The following NCOA1 variants were observed in gnomAD, a reference collection of about 807,000 sequenced individuals.
NCOA1 encodes nuclear receptor coactivator 1, also known as Hin-2 protein.
NCOA1 carries 35 observed loss-of-function variants against 150.9 expected under a neutral mutation model. The ratio of observed to expected loss-of-function variants is 0.23; its 90% confidence interval spans 0.18 to 0.31. The LOEUF (loss-of-function observed/expected upper bound fraction) is 0.31. NCOA1 is among the 10% of genes least tolerant of loss of function. NCOA1 has a pLI of 1.00. For missense variants in NCOA1, 1,491 were observed against 1,749.3 expected, an observed-to-expected ratio of 0.85 and a Z score of 2.63; for synonymous variants, 590 against 630.0, an observed-to-expected ratio of 0.94 and a Z score of 0.95.
rs772353958 is a variant in NCOA1, at chr2:24,711,053, G to T, written c.2541G>T (p.Ser847=). Residue 847 remains serine (S), a synonymous_variant, in exon 14 of 23, where the codon TCG becomes TCT. Coordinates refer to ENST00000348332, the MANE Select transcript of NCOA1 (RefSeq NM_003743.5). ...CGGTCACCAGTGTAACCATCAAATC[G>T]GAGATCCTGCCAGCTTCACTTCAGT... ...DGAVTSVTIK[S]EILPASLQSA... The T allele has an allele frequency of 1.2e-6, 2 of 1,614,112 alleles. No homozygotes were observed. Among genetic ancestry groups the T allele is most frequent in the South Asian group, 2.2e-5 (2 of 91,082 alleles).
chr2:24,494,556 G>A (rs778279461), intron 1 of NCOA1, among the ~76,000 whole-genome samples: 5 of 152,202 alleles, frequency 3.3e-5, no homozygotes, highest in Non-Finnish European at 5.9e-5. Context: ...GGACGCTCAT[G>A]ATTGTTTTGG....
chr2:24,756,508 C>T (rs907204429), intron 20 of NCOA1, among the ~76,000 whole-genome samples: 2 of 152,110 alleles, frequency 1.3e-5, no homozygotes, highest in Non-Finnish European at 2.9e-5. Context: ...TTACCTTAGT[C>T]TACTGGAAAC....
chr2:24,767,866 C>T (rs13389944), intron 22 of NCOA1: 4 of 495,446 alleles, frequency 8.1e-6, no homozygotes, highest in Non-Finnish European at 1.1e-5. Context: ...AACCAGTTTT[C>T]TAAATATCAT....
At chr2:24,540,839 A>C (rs905418087) in intron 1 of NCOA1, among the ~76,000 whole-genome samples, 6 of 152,178 alleles carry the variant, frequency 3.9e-5, no homozygotes, top group Non-Finnish European at 7.3e-5. Context: ...AACAAAAGAG[A>C]TGTTAAATAT....
Position 24,651,432 on chromosome 2 carries a change from A to G in NCOA1, c.-17-7229A>G, listed in dbSNP as rs146889391. On this transcript the variant is annotated intron_variant, in intron 4 of 22. Transcript: ENST00000348332. The stretch of plus-strand genomic sequence containing the variant: ...AGGTGAGCCTGGAGGACATTTTGCT[A>G]AGTGAAATAAGTCAGACACAGAAAG... Among the ~76,000 whole-genome samples, 227 of 152,224 alleles carry G rather than the reference A, an allele frequency of 1.5e-3. 1 individual carries two copies. Among genetic ancestry groups the G allele is most frequent in the African/African-American group, 5.2e-3 (215 of 41,566 alleles).
chr2:24,556,997 T>C (rs1336577553), intron 1 of NCOA1, among the ~76,000 whole-genome samples: 1 of 151,390 alleles, frequency 6.6e-6, no homozygotes, highest in Non-Finnish European at 1.5e-5. Flanking sequence ...AGATAATTCA[T>C]TGTTGTTGTT....
intron 5 of NCOA1, among the ~76,000 whole-genome samples, chr2:24,663,956 A>G (rs1156382934): frequency 1.3e-5 from 2 of 152,204 alleles, no homozygotes; most frequent in African/African-American, 2.4e-5. Flanking sequence ...AAGAGAGTCC[A>G]GTTTACTCGT....
At chr2:24,510,176 A>G (rs1260397942) in intron 1 of NCOA1, among the ~76,000 whole-genome samples, 1 of 152,024 alleles carries the variant, frequency 6.6e-6, no homozygotes, top group Non-Finnish European at 1.5e-5. Flanking sequence ...CAGCCTCCCC[A>G]GTAGCTGGGA....
chr2:24,627,003 G>C (rs1246172196), intron 3 of NCOA1, among the ~76,000 whole-genome samples: 1 of 151,454 alleles, frequency 6.6e-6, no homozygotes, highest in Non-Finnish European at 1.5e-5. Context: ...CTGCCTGTTA[G>C]AAAGAGAAAA....
intron 17 of NCOA1, among the ~76,000 whole-genome samples, chr2:24,735,400 T>A (rs1663246118): frequency 6.6e-6 from 1 of 152,174 alleles, no homozygotes; most frequent in Non-Finnish European, 1.5e-5. Flanking sequence ...ACTGTAAGCA[T>A]CTCATAGCAA....
At chr2:24,735,449 C>T (rs1039411520) in intron 17 of NCOA1, among the ~76,000 whole-genome samples, 15 of 152,174 alleles carry the variant, frequency 9.9e-5, no homozygotes, top group Admixed American at 7.8e-4. Flanking sequence ...GAAAAGAAAA[C>T]GGGTGTACTC....
intron 1 of NCOA1, among the ~76,000 whole-genome samples, chr2:24,500,225 C>G (rs1336999871): frequency 6.6e-6 from 1 of 152,172 alleles, no homozygotes; most frequent in African/African-American, 2.4e-5. Context: ...TCTCCTGCCT[C>G]AGATTCCCTA....
intron 1 of NCOA1, among the ~76,000 whole-genome samples, chr2:24,505,312 AAGT>A (rs1663647079): frequency 6.6e-6 from 1 of 151,018 alleles, no homozygotes; most frequent in Admixed American, 6.6e-5. Context: ...TCAGCCTCCC[AAGT>A]AGTACAGGCA....
chr2:24,755,797 AT>A (rs1664467983), intron 20 of NCOA1, among the ~76,000 whole-genome samples: 1 of 152,158 alleles, frequency 6.6e-6, no homozygotes, highest in Non-Finnish European at 1.5e-5. Context: ...TAAGCTCTAA[AT>A]TTTTTTCAAT....
intron 4 of NCOA1, among the ~76,000 whole-genome samples, chr2:24,657,610 G>A (rs1671003645): frequency 6.6e-6 from 1 of 152,104 alleles, no homozygotes; most frequent in Admixed American, 6.5e-5. Context: ...CTTCAGAAAA[G>A]GGCTAGAAGC....
chr2:24,618,869 A>G (rs1431708756), intron 3 of NCOA1, among the ~76,000 whole-genome samples: 1 of 152,224 alleles, frequency 6.6e-6, no homozygotes, highest in African/African-American at 2.4e-5. Flanking sequence ...TGTCATGCTA[A>G]TAGTCCCAAA....
chr2:24,665,380 G>T (rs1411551064), intron 5 of NCOA1, among the ~76,000 whole-genome samples: 4 of 151,984 alleles, frequency 2.6e-5, no homozygotes, highest in African/African-American at 9.7e-5. Context: ...TGAAAATTCA[G>T]ATTTTTCTAT....
intron 3 of NCOA1, among the ~76,000 whole-genome samples, chr2:24,598,231 A>G (rs1667961710): frequency 6.6e-6 from 1 of 152,222 alleles, no homozygotes; most frequent in South Asian, 2.1e-4. Context: ...AAATTGACAC[A>G]TAAAATTAAC....
intron 2 of NCOA1, among the ~76,000 whole-genome samples, chr2:24,569,507 A>G (rs552305056): frequency 6.0e-5 from 9 of 150,226 alleles, no homozygotes; most frequent in Non-Finnish European, 1.3e-4. Flanking sequence ...AAATAATTCA[A>G]CCTCTGAGAG....
Sources: gnomAD v4.1 joint callset for allele counts (sites outside exome capture counted in the v4.1 genomes callset) on GRCh38, gnomAD v4.1.1 for gene constraint, MANE v1.5 for transcripts, NCBI Gene and HGNC (gene_info 2026-07-23, HGNC 2026-07-21) for gene names.